ZC3H12D: variants seen among roughly 807,000 people sequenced by gnomAD.
ZC3H12D encodes probable ribonuclease ZC3H12D.
In ZC3H12D, 11 loss-of-function variants were observed where a neutral mutation model predicts 24.2. That is an observed-to-expected ratio of 0.46 (90% CI 0.29 to 0.75). ZC3H12D has a LOEUF of 0.75. ZC3H12D is among the 30% of genes least tolerant of loss of function. The pLI, the probability that ZC3H12D is intolerant of heterozygous loss-of-function variation, is 0.11. For synonymous variants in ZC3H12D, 333 were observed against 341.8 expected (o/e 0.97, Z 0.28); for missense variants, 740 against 767.7 (o/e 0.96, Z 0.43).
rs371140329 is a variant in ZC3H12D, at chr6:149,474,247, C to T, written c.297G>A (p.Val99=). Residue 99 remains valine, a synonymous_variant, in exon 2 of 6, where the codon GTG becomes GTA. Transcript: ENST00000409806. ...GGATGAAGGGAAGCTACCTCATCGC[C>T]ACGTTGCTGCCATCAATCACTATGG... ...LRPIVIDGSN[V]AMSHGNKETF... The T allele has an allele frequency of 4.7e-6, 7 of 1,478,180 alleles. No individual in the cohort carries two copies. Among genetic ancestry groups the T allele is most frequent in the Admixed American group, 2.2e-5 (1 of 44,468 alleles). The allele number at this position is 1,478,180 out of a possible 1,614,324, so 91.6% of individuals were successfully genotyped here.
rs569744832 is a variant in ZC3H12D at position 149,470,283 on chromosome 6, C to T, written c.305+3956G>A. Among the ~76,000 whole-genome samples, 41 of 152,206 alleles carry T rather than the reference C, an allele frequency of 2.7e-4. 1 individual carries two copies. The South Asian group carries it at 3.7e-3, about 14-fold the overall frequency. ...GCTGAGTCAGGAGAATTGCTTGAAC[C>T]CAGGAGGTAGAGGTTGCAGCGAGCC... On this transcript the variant is annotated intron_variant, in intron 2 of 5. Coordinates refer to ENST00000409806, the MANE Select transcript of ZC3H12D (RefSeq NM_207360.3).
At chr6:149,478,739 C>G (rs909739081) in intron 1 of ZC3H12D, among the ~76,000 whole-genome samples, 1 of 152,098 alleles carries the variant, frequency 6.6e-6, no homozygotes, top group African/African-American at 2.4e-5. Flanking sequence ...TGTCTTTACT[C>G]CCTTAATCTG....
At chr6:149,472,160 C>A (rs1418749947) in intron 2 of ZC3H12D, among the ~76,000 whole-genome samples, 1 of 152,188 alleles carries the variant, frequency 6.6e-6, no homozygotes, top group African/African-American at 2.4e-5. Flanking sequence ...CATTGGAGGA[C>A]ACAACAGATG....
At chr6:149,460,890 G>A (rs960162564) in intron 3 of ZC3H12D, among the ~76,000 whole-genome samples, 1 of 151,926 alleles carries the variant, frequency 6.6e-6, no homozygotes, top group Non-Finnish European at 1.5e-5. Flanking sequence ...TATAGTCCCA[G>A]CTACTGAAGA....
rs59814309 is a variant in ZC3H12D at position 149,453,128 on chromosome 6, CAA to C, written c.681-408_681-407del. Among the ~76,000 whole-genome samples the C allele has an allele frequency of 3.7e-3, 397 of 106,066 alleles. 1 individual carries two copies. The highest frequency in any genetic ancestry group is 5.9e-3 in the African/African-American group (173 of 29,152). 69.6% of individuals were successfully genotyped at this position (106,066 alleles called of 152,430 possible). ...AGTGAAACCTTGTCTCTACAGAAAG[CAA>C]AAAAAAAAAAAAAAAAGAAAATTAG... On this transcript the variant is annotated intron_variant, in intron 4 of 5. Coordinates refer to ENST00000409806, the MANE Select transcript of ZC3H12D (RefSeq NM_207360.3).
chr6:149,460,592 T>C (rs528578730), intron 3 of ZC3H12D, among the ~76,000 whole-genome samples: 1 of 152,240 alleles, frequency 6.6e-6, no homozygotes, highest in African/African-American at 2.4e-5. Flanking sequence ...CCCAGCACTT[T>C]GGGAGGCAGA....
intron 2 of ZC3H12D, among the ~76,000 whole-genome samples, chr6:149,470,687 C>T (rs1053694415): frequency 5.9e-5 from 9 of 152,148 alleles, no homozygotes; most frequent in Non-Finnish European, 1.3e-4. Context: ...GGTGACCTAC[C>T]TAAGGTCACA....
rs1271833218 is a variant in ZC3H12D, at chr6:149,446,975, G to A, written c.*3708C>T. On this transcript the variant is annotated 3_prime_UTR_variant, in exon 6 of 6. Coordinates refer to ENST00000409806, the MANE Select transcript of ZC3H12D (RefSeq NM_207360.3). The stretch of plus-strand genomic sequence containing the variant: ...ACAGCCTCTGGTTTGATCAGTCGAG[G>A]AGAGCTCTGCTGCATGTTTGAACAA... 6.6e-6 allele frequency: 1 copy of A among 152,274 alleles called. No homozygotes were observed. Among genetic ancestry groups the A allele is most frequent in the African/African-American group, 2.4e-5 (1 of 41,468 alleles). 9.4% of individuals were successfully genotyped at this position (152,274 alleles called of 1,614,324 possible).
rs1330542954 is a variant in ZC3H12D, at chr6:149,450,361, G to A, written c.*322C>T. 1 of 323,126 alleles carries A rather than the reference G, an allele frequency of 3.1e-6. No individual in the cohort carries two copies. The highest frequency in any genetic ancestry group is 5.7e-6 in the Non-Finnish European group (1 of 175,474). 20.0% of individuals were successfully genotyped at this position (323,126 alleles called of 1,614,324 possible). A position where few individuals can be genotyped will look rare whatever the true frequency, so the allele number is the denominator to read the frequency against. On this transcript the variant is annotated 3_prime_UTR_variant, in exon 6 of 6. Coordinates refer to ENST00000409806, the MANE Select transcript of ZC3H12D (RefSeq NM_207360.3). ...GTCCCAGTCCACTGTGTTTGTGGTG[G>A]TGACCCACTAAATTGATTTTGTGAC...
intron 3 of ZC3H12D, among the ~76,000 whole-genome samples, chr6:149,461,267 G>C (rs1776067587): frequency 6.6e-6 from 1 of 151,704 alleles, no homozygotes; most frequent in Admixed American, 6.6e-5. Flanking sequence ...CTTGAACCCG[G>C]GAGGAGGAGG....
Position 149,452,595 on chromosome 6 carries a change from G to A in ZC3H12D, c.787+21C>T, listed in dbSNP as rs753098402. ...ACACAAGGCCCTGAACAGGGCCTGC[G>A]AAGCACTGGGCCCTACCCACCATAA... On this transcript the variant is annotated intron_variant, in intron 5 of 5. Transcript: ENST00000409806. This position sits in a 1 kb window ranked among gnomAD's most constrained non-coding sequence, Gnocchi z 4.0. The A allele has an allele frequency of 4.6e-6, 7 of 1,516,070 alleles. No homozygotes were observed. The South Asian group carries it at 6.6e-5, about 14-fold the overall frequency. The allele number at this position is 1,516,070 out of a possible 1,614,324, so 93.9% of individuals were successfully genotyped here.
At chr6:149,474,833 G>A (rs367810286) in intron 1 of ZC3H12D, among the ~76,000 whole-genome samples, 16 of 152,312 alleles carry the variant, frequency 1.1e-4, no homozygotes, top group Middle Eastern at 6.8e-3. Flanking sequence ...CACACTGCCC[G>A]GCAGGGCACA....
Position 149,461,891 on chromosome 6 carries a change from T to TGTAG in ZC3H12D, c.381_384dup (p.Ile129LeufsTer17). ...CTCCAGGATGGAACAAAAACTTTGA[T>TGTAG]GTAGGTGTGTCCTCTGTCCCTGAAC... On this transcript the variant is annotated frameshift_variant, in exon 3 of 6. Transcript: ENST00000409806. LOFTEE classifies it high-confidence loss of function. 2 of 1,603,472 alleles carry TGTAG rather than the reference T, an allele frequency of 1.2e-6. No homozygotes were observed. The highest frequency in any genetic ancestry group is 1.7e-6 in the Non-Finnish European group (2 of 1,174,972).
chr6:149,450,809 G>A lies in ZC3H12D; in HGVS notation c.1458C>T (p.Tyr486=), dbSNP rs1410073199. 6.5e-7 allele frequency: 1 copy of A among 1,548,216 alleles called. No individual in the cohort carries two copies. Among genetic ancestry groups the A allele is most frequent in the Non-Finnish European group, 8.7e-7 (1 of 1,146,818 alleles). ...DARARARIAL[Y]SVFPRDQVDR... is the part of the protein sequence containing the mutation. ...CCACCTGGTCACGCGGGAAGACGCT[G>A]TAGAGCGCGATGCGAGCCCGGGCGC... Residue 486 remains tyrosine, a synonymous_variant, in exon 6 of 6, where the codon TAC becomes TAT. Transcript: ENST00000409806.
Position 149,474,603 on chromosome 6 carries a change from G to T in ZC3H12D, c.-60C>A. On this transcript the variant is annotated 5_prime_UTR_variant, in exon 2 of 6. Coordinates refer to ENST00000409806, the MANE Select transcript of ZC3H12D (RefSeq NM_207360.3). ...CCAGGCTTCCTCCTCTCAGAGCCCT[G>T]CAGACATGAGCTAAAGAGAAAAAAA... 7.3e-7 allele frequency: 1 copy of T among 1,366,902 alleles called. No homozygotes were observed. 84.7% of individuals were successfully genotyped at this position (1,366,902 alleles called of 1,614,324 possible).
chr6:149,455,885 G>A (rs1775970943), intron 4 of ZC3H12D, among the ~76,000 whole-genome samples: 1 of 148,834 alleles, frequency 6.7e-6, no homozygotes, highest in African/African-American at 2.5e-5. Flanking sequence ...CTGGGCAATA[G>A]AGCAAGACCC....
In ZC3H12D at chr6:149,456,638, A is replaced by ACG; in HGVS notation, c.680+27_680+28insCG. ...CCGGCCCCCCGCCCCGCCGCCCCCCAGGGTGTCAGGACCCCAGCCGGACCT... is the reference window on the plus strand; with the variant it reads ...CCGGCCCCCCGCCCCGCCGCCCCCCACGGGGTGTCAGGACCCCAGCCGGACCT... On this transcript the variant is annotated intron_variant, in intron 4 of 5. Transcript: ENST00000409806. This position sits in a 1 kb window ranked among gnomAD's most constrained non-coding sequence, Gnocchi z 4.3. 2.9e-6 allele frequency: 2 copies of ACG among 679,876 alleles called. No homozygotes were observed. The highest frequency in any genetic ancestry group is 1.5e-5 in the South Asian group (1 of 66,778). The allele number at this position is 679,876 out of a possible 1,614,324, so 42.1% of individuals were successfully genotyped here.
intron 2 of ZC3H12D, among the ~76,000 whole-genome samples, chr6:149,465,762 A>C (rs528716958): frequency 2.5e-5 from 3 of 119,532 alleles, no homozygotes; most frequent in South Asian, 4.8e-4. Context: ...CTCAAAAAAA[A>C]AAAAGGGGGG....
rs544644171 is a variant in ZC3H12D at position 149,450,164 on chromosome 6, A to G, written c.*519T>C. ...AAACCTCCCCTGGCCACCTGACTAC[A>G]TATTTCAAACATTACCTGAAGCAAT... is the stretch of plus-strand genomic sequence containing the variant. On this transcript the variant is annotated 3_prime_UTR_variant, in exon 6 of 6. Transcript: ENST00000409806. 2.0e-5 allele frequency: 3 copies of G among 152,904 alleles called. No homozygotes were observed. The highest frequency in any genetic ancestry group is 4.8e-5 in the African/African-American group (2 of 41,582). 9.5% of individuals were successfully genotyped at this position (152,904 alleles called of 1,614,324 possible). A position where few individuals can be genotyped will look rare whatever the true frequency, so the allele number is the denominator to read the frequency against.
Sources: allele counts gnomAD v4.1 joint callset (sites outside exome capture counted in the v4.1 genomes callset), GRCh38; gene constraint gnomAD v4.1.1; non-coding constraint Gnocchi (gnomAD v3.1); transcripts MANE v1.5; gene names NCBI Gene and HGNC (gene_info 2026-07-23, HGNC 2026-07-21).